PCDH15: variants seen among roughly 807,000 people sequenced by gnomAD.
The protein encoded by PCDH15 is protocadherin related 15, also known as protocadherin-15.
PCDH15 carries 129 observed loss-of-function variants against 178.5 expected under a neutral mutation model. The ratio of observed to expected loss-of-function variants is 0.72; its 90% CI spans 0.63 to 0.84. The LOEUF (loss-of-function observed/expected upper bound fraction) is 0.84, where lower values mean the gene tolerates loss of function less well. Among genes scored for constraint, PCDH15 ranks in the 40% least tolerant of loss-of-function variants. The probability of loss-of-function intolerance (pLI) is 0.00; values close to 1 mark genes in which losing one functional copy is unlikely to be tolerated. For synonymous variants in PCDH15, 800 were observed against 732.0 expected (o/e 1.09, Z -1.50); for missense variants, 2,230 against 2,099.9 (o/e 1.06, Z -1.21).
At chr10:54,378,368 A>G (rs1013144151) in intron 4 of PCDH15, among the ~76,000 whole-genome samples, 9 of 152,048 alleles carry the variant, frequency 5.9e-5, no homozygotes, top group African/African-American at 2.2e-4. Context: ...CCTTCAACCA[A>G]TGCTTACTAG....
At chr10:54,605,380 TA>T (rs1445547738) in intron 2 of PCDH15, among the ~76,000 whole-genome samples, 1 of 152,060 alleles carries the variant, frequency 6.6e-6, no homozygotes, top group African/African-American at 2.4e-5. Flanking sequence ...TCTTAAGTTT[TA>T]AAGGATAATT....
intron 2 of PCDH15, among the ~76,000 whole-genome samples, chr10:54,999,066 T>G (rs1839725722): frequency 6.6e-6 from 1 of 152,092 alleles, no homozygotes; most frequent in African/African-American, 2.4e-5. Context: ...TTGTTGTTTT[T>G]TTGTTTTTTG....
chr10:54,105,058 A>G (rs1459701569), intron 15 of PCDH15, among the ~76,000 whole-genome samples: 1 of 151,146 alleles, frequency 6.6e-6, no homozygotes, highest in Non-Finnish European at 1.5e-5. Flanking sequence ...AAGGACTATC[A>G]TTGTTCACCA....
chr10:53,910,167 C>T (rs34144740), intron 25 of PCDH15, among the ~76,000 whole-genome samples: 5,096 of 152,242 alleles, frequency 0.033, 123 homozygotes, highest in Middle Eastern at 0.061. Flanking sequence ...TCTCCCAGCA[C>T]GGTATTTGAG....
chr10:55,520,206 T>G (rs1841132435), intron 2 of PCDH15, among the ~76,000 whole-genome samples: 1 of 65,102 alleles, frequency 1.5e-5, no homozygotes, highest in African/African-American at 6.8e-5. Context: ...ACACGCAATG[T>G]GTATATATAT....
chr10:54,647,343 G>T (rs139888323), intron 2 of PCDH15, among the ~76,000 whole-genome samples: 5 of 152,020 alleles, frequency 3.3e-5, no homozygotes, highest in African/African-American at 1.2e-4. Flanking sequence ...GGAAAGAATA[G>T]AATGGTGCCA....
At chr10:54,051,767 G>A (rs974982796) in intron 18 of PCDH15, among the ~76,000 whole-genome samples, 2 of 152,124 alleles carry the variant, frequency 1.3e-5, no homozygotes, top group African/African-American at 4.8e-5. Context: ...TGTCTCCAGG[G>A]CATATCAGAG....
chr10:54,779,433 T>TATTAATTCTCCA (rs1950060955), intron 1 of PCDH15, among the ~76,000 whole-genome samples: 1 of 108,164 alleles, frequency 9.2e-6, no homozygotes, highest in African/African-American at 3.1e-5. Context: ...CACACACATA[T>TATTAATTCTCCA]GTGTATATAT....
chr10:54,820,719 A>T (rs969275758), intron 3 of PCDH15, among the ~76,000 whole-genome samples: 3 of 152,060 alleles, frequency 2.0e-5, no homozygotes, highest in Non-Finnish European at 4.4e-5. Flanking sequence ...TCTGACATCT[A>T]CAGAGGATCA....
At chr10:54,967,348 T>G (rs766842156) in intron 2 of PCDH15, among the ~76,000 whole-genome samples, 1 of 152,136 alleles carries the variant, frequency 6.6e-6, no homozygotes. Flanking sequence ...CACACACACA[T>G]GAAACCATCA....
intron 2 of PCDH15, among the ~76,000 whole-genome samples, chr10:54,622,732 A>ATT: frequency 4.6e-5 from 1 of 21,524 alleles, no homozygotes; most frequent in South Asian, 1.0e-3. Context: ...ATATTATATA[A>ATT]TTATATATAT....
At chr10:55,264,937 T>C (rs1315212642) in intron 1 of PCDH15, among the ~76,000 whole-genome samples, 1 of 152,114 alleles carries the variant, frequency 6.6e-6, no homozygotes, top group Non-Finnish European at 1.5e-5. Flanking sequence ...CAGTGTAAGA[T>C]TGACCCAGCC....
At chr10:55,439,436 A>G (rs777475662) in intron 2 of PCDH15, among the ~76,000 whole-genome samples, 7 of 152,200 alleles carry the variant, frequency 4.6e-5, no homozygotes, top group Non-Finnish European at 7.3e-5. Flanking sequence ...TTACCAGAGA[A>G]CCTAATAGAG....
At chr10:54,888,098 T>C (rs1208479359) in intron 3 of PCDH15, among the ~76,000 whole-genome samples, 1 of 152,156 alleles carries the variant, frequency 6.6e-6, no homozygotes, top group African/African-American at 2.4e-5. Context: ...GCTTAACGTA[T>C]GTAAACATGA....
chr10:55,106,844 T>G (rs922839004), intron 2 of PCDH15, among the ~76,000 whole-genome samples: 3 of 152,222 alleles, frequency 2.0e-5, no homozygotes, highest in African/African-American at 7.2e-5. Context: ...CTAGGTCAGC[T>G]ATGGATATAG....
intron 3 of PCDH15, among the ~76,000 whole-genome samples, chr10:54,847,386 A>C (rs979984797): frequency 3.9e-5 from 6 of 152,110 alleles, no homozygotes; most frequent in Admixed American, 2.6e-4. Context: ...CTTATATTTT[A>C]ATATATTTTG....
In PCDH15 at chr10:53,811,597, A is replaced by C; in HGVS notation, c.4514T>G (p.Ile1505Ser). ...KPEELSMESG[I>S]DPGQEYGQDY... is the part of the protein sequence containing the mutation. ...TTGTCCATATTCCTGGCCAGGATCA[A>C]TTCCAGACTCCATGGATAATTCCTA... Residue 1505 changes from isoleucine (I) to serine (S), a missense_variant, in exon 36 of 38, where the codon ATT becomes AGT. Coordinates refer to ENST00000644397, the MANE Select transcript of PCDH15 (RefSeq NM_001384140.1). 6.4e-7 allele frequency: 1 copy of C among 1,568,390 alleles called. No individual in the cohort carries two copies. The highest frequency in any genetic ancestry group is 8.6e-7 in the Non-Finnish European group (1 of 1,156,982).
rs1032155473 is a variant in PCDH15 at position 54,288,686 on chromosome 10, C to T, written c.876+28585G>A. ...AATACTGTGCTTTTCCCAAGGTCTT[C>T]GCAACTGGCAGACAAAGAGATTCTC... On this transcript the variant is annotated intron_variant, in intron 8 of 37. Coordinates refer to ENST00000644397, the MANE Select transcript of PCDH15 (RefSeq NM_001384140.1). Among the ~76,000 whole-genome samples, 4 of 152,206 alleles carry T rather than the reference C, an allele frequency of 2.6e-5. No individual in the cohort carries two copies. The South Asian group carries it at 6.2e-4, about 24-fold the overall frequency.
At chr10:54,170,946 GTTCGAGGATTTGC>G (rs2046836452) in intron 13 of PCDH15, among the ~76,000 whole-genome samples, 2 of 152,072 alleles carry the variant, frequency 1.3e-5, no homozygotes, top group Non-Finnish European at 2.9e-5. Context: ...TACACATCAA[GTTCGAGGATTTGC>G]CCCACCCAGG....
Sources: gnomAD v4.1 joint callset for allele counts (sites outside exome capture counted in the v4.1 genomes callset) on GRCh38, gnomAD v4.1.1 for gene constraint, MANE v1.5 for transcripts, NCBI Gene and HGNC (gene_info 2026-07-23, HGNC 2026-07-21) for gene names.